LCP1: variants seen among roughly 807,000 people sequenced by gnomAD.
LCP1 encodes the protein plastin-2.
In LCP1, 23 loss-of-function variants were observed where a neutral mutation model predicts 72.0. The ratio of observed to expected loss-of-function variants is 0.32; its 90% CI spans 0.23 to 0.45. LCP1 has a LOEUF of 0.45. Ranked by LOEUF, LCP1 falls within the 20% of genes least tolerant of loss-of-function variation. LCP1 has a pLI of 1.00. For missense variants in LCP1, 571 were observed against 748.3 expected (o/e 0.76, Z 2.76); for synonymous variants, 245 against 275.4 (o/e 0.89, Z 1.09).
chr13:46,178,541 A>T (rs1243613780), intron 1 of LCP1, among the ~76,000 whole-genome samples: 2 of 152,184 alleles, frequency 1.3e-5, no homozygotes, highest in South Asian at 2.1e-4. Context: ...AAGACCCTGT[A>T]GAACATTAAC....
intron 1 of LCP1, among the ~76,000 whole-genome samples, chr13:46,174,236 A>C (rs2045917313): frequency 6.6e-6 from 1 of 152,242 alleles, no homozygotes; most frequent in Non-Finnish European, 1.5e-5. Context: ...AGAAAAAAAC[A>C]AAAGGAGAAG....
rs368627380 is a variant in LCP1, at chr13:46,142,382, G to A, written c.1412C>T (p.Ala471Val). 19 of 1,613,944 alleles carry A rather than the reference G, an allele frequency of 1.2e-5. No homozygotes were observed. The highest frequency in any genetic ancestry group is 1.7e-4 in the Middle Eastern group (1 of 6,060). ...NYAVELGKNQ[A>V]KFSLVGIGGQ... is the part of the protein sequence containing the mutation. ...ACCGATGCCAACCAGGGAGAACTTC[G>A]CTTGATTCTTCCCCAATTCTACCGC... The change falls in exon 13 of 16, where the codon GCG becomes GTG. Residue 471 changes from alanine (A) to valine (V), a missense_variant. Coordinates refer to ENST00000323076, the MANE Select transcript of LCP1 (RefSeq NM_002298.5).
At chr13:46,150,850 G>A (rs2045759092) in intron 8 of LCP1, 86 bp downstream of exon 8, 3 of 1,421,568 alleles carry the variant, frequency 2.1e-6, no homozygotes, top group South Asian at 1.3e-5. Flanking sequence ...AAGAGAGGAA[G>A]CCCCAAATCT....
rs2138234708 is a variant in LCP1, at chr13:46,143,290, C to T, written c.1368G>A (p.Lys456=). The T allele has an allele frequency of 6.2e-7, 1 of 1,603,526 alleles. No individual in the cohort carries two copies. The highest frequency in any genetic ancestry group is 8.5e-7 in the Non-Finnish European group (1 of 1,170,482). Residue 456 remains lysine, a splice_region_variant and synonymous_variant, in exon 12 of 16, where the codon AAG becomes AAA. Transcript: ENST00000323076. ...GAACAACAGAACCATCATTGTTTAC[C>T]TTCTTCATATTGCCTCCCAGTTTGG... ...PYPKLGGNMK[K]LENCNYAVEL...
At chr13:46,181,752 A>G (rs1430728786) in intron 1 of LCP1, among the ~76,000 whole-genome samples, 13 of 152,254 alleles carry the variant, frequency 8.5e-5, no homozygotes, top group African/African-American at 1.4e-4. Context: ...CTTTTCCTGA[A>G]AACATTTTAA....
intron 1 of LCP1, among the ~76,000 whole-genome samples, chr13:46,164,394 T>G (rs546952226): frequency 1.3e-5 from 2 of 152,312 alleles, no homozygotes; most frequent in South Asian, 2.1e-4. Flanking sequence ...ACATAGAAAG[T>G]ACATGTATTT....
intron 13 of LCP1, among the ~76,000 whole-genome samples, chr13:46,136,130 T>G (rs2045663812): frequency 6.7e-6 from 1 of 150,154 alleles, no homozygotes; most frequent in African/African-American, 2.5e-5. Flanking sequence ...TATACACATT[T>G]CAACCACACA....
At chr13:46,150,304 T>C (rs2045756212) in intron 8 of LCP1, among the ~76,000 whole-genome samples, 1 of 152,234 alleles carries the variant, frequency 6.6e-6, no homozygotes, top group Non-Finnish European at 1.5e-5. Context: ...CTGTCATCAT[T>C]GCCAATAGCT....
intron 1 of LCP1, among the ~76,000 whole-genome samples, chr13:46,162,840 C>T (rs1267326659): frequency 2.0e-5 from 3 of 151,982 alleles, no homozygotes; most frequent in African/African-American, 4.8e-5. Flanking sequence ...GCCGCGACCC[C>T]GTCTGGGAGG....
chr13:46,134,380 G>C (rs993173971), intron 13 of LCP1, 130 bp from the exon 14 acceptor site: 3 of 709,098 alleles, frequency 4.2e-6, no homozygotes, highest in Non-Finnish European at 6.8e-6. Context: ...TTACATTTGA[G>C]AGAAAAAAAG....
intron 1 of LCP1, among the ~76,000 whole-genome samples, chr13:46,174,849 AAAGAAAAAAG>A (rs1157436009): frequency 1.3e-5 from 2 of 151,766 alleles, no homozygotes; most frequent in African/African-American, 4.9e-5. Flanking sequence ...AAAAAAAAAA[AAAGAAAAAAG>A]AAAGAAAATG....
intron 1 of LCP1, among the ~76,000 whole-genome samples, chr13:46,173,905 A>G (rs115477092): frequency 6.6e-6 from 1 of 152,174 alleles, no homozygotes; most frequent in African/African-American, 2.4e-5. Flanking sequence ...AAGCCCAACC[A>G]CATACACTAT....
intron 1 of LCP1, among the ~76,000 whole-genome samples, chr13:46,166,121 G>A (rs1165264403): frequency 1.6e-4 from 24 of 152,160 alleles, no homozygotes; most frequent in Admixed American, 1.6e-3. Context: ...CTGAACTTAA[G>A]TTCTCTAAAG....
intron 1 of LCP1, among the ~76,000 whole-genome samples, chr13:46,178,336 T>G (rs760748511): frequency 2.0e-5 from 3 of 152,130 alleles, no homozygotes; most frequent in Non-Finnish European, 4.4e-5. Flanking sequence ...GGCAGACTGA[T>G]GTAAGCATTG....
intron 1 of LCP1, among the ~76,000 whole-genome samples, chr13:46,181,908 G>C (rs754395065): frequency 6.6e-6 from 1 of 152,166 alleles, no homozygotes. Context: ...CCAGCCCAGA[G>C]AGCCGAGGTG....
At chr13:46,181,042 T>C (rs998875365) in intron 1 of LCP1, among the ~76,000 whole-genome samples, 3 of 152,236 alleles carry the variant, frequency 2.0e-5, no homozygotes, top group Admixed American at 6.5e-5. Context: ...ACAATTATAC[T>C]TAATAGAAAC....
intron 6 of LCP1, among the ~76,000 whole-genome samples, chr13:46,153,701 CAAAA>C (rs1237525744): frequency 1.3e-5 from 1 of 74,822 alleles, no homozygotes. Flanking sequence ...AACTCCATCT[CAAAA>C]AAAAAAAAAA....
intron 15 of LCP1, among the ~76,000 whole-genome samples, chr13:46,128,446 A>C (rs1053406418): frequency 6.6e-6 from 1 of 152,146 alleles, no homozygotes; most frequent in Admixed American, 6.5e-5. Flanking sequence ...AAAATACAAA[A>C]AATTAGCCAG....
At chr13:46,154,072 G>A (rs2045785839) in intron 6 of LCP1, among the ~76,000 whole-genome samples, 2 of 152,190 alleles carry the variant, frequency 1.3e-5, no homozygotes, top group Admixed American at 1.3e-4. Flanking sequence ...GTGGGTCCTT[G>A]TTCTAGTGCT....
Sources: allele counts gnomAD v4.1 joint callset (sites outside exome capture counted in the v4.1 genomes callset), GRCh38; gene constraint gnomAD v4.1.1; transcripts MANE v1.5; gene names NCBI Gene and HGNC (gene_info 2026-07-23, HGNC 2026-07-21).